SLIT1: variants seen among roughly 807,000 people sequenced by gnomAD.
The protein encoded by SLIT1 is slit guidance ligand 1, also known as slit homolog 1 protein.
SLIT1 carries 66 observed loss-of-function variants against 186.1 expected under a neutral mutation model. That is an observed-to-expected ratio of 0.35 (90% confidence interval 0.29 to 0.44). The LOEUF (loss-of-function observed/expected upper bound fraction) is 0.44, where lower values mean the gene tolerates loss of function less well. Among genes scored for constraint, SLIT1 ranks in the 20% least tolerant of loss-of-function variants. The probability of loss-of-function intolerance (pLI) is 1.00; values close to 1 mark genes in which losing one functional copy is unlikely to be tolerated. For missense variants in SLIT1, 1,638 were observed against 2,037.4 expected, an observed-to-expected ratio of 0.80 and a Z score of 3.77; for synonymous variants, 761 against 833.8, an observed-to-expected ratio of 0.91 and a Z score of 1.50.
At chr10:97,098,933 G>A (rs1004915689) in intron 4 of SLIT1, among the ~76,000 whole-genome samples, 1 of 152,168 alleles carries the variant, frequency 6.6e-6, no homozygotes, top group Admixed American at 6.5e-5. Context: ...GCCCTGGACA[G>A]GACACTCAGC....
chr10:97,096,652 C>T (rs1418603381), intron 4 of SLIT1, among the ~76,000 whole-genome samples: 1 of 152,142 alleles, frequency 6.6e-6, no homozygotes, highest in Non-Finnish European at 1.5e-5. Flanking sequence ...CGCCACCTGC[C>T]CACAGCACAG....
At chr10:97,168,469 C>T (rs908913127) in intron 1 of SLIT1, among the ~76,000 whole-genome samples, 3 of 152,200 alleles carry the variant, frequency 2.0e-5, no homozygotes, top group African/African-American at 7.2e-5. Flanking sequence ...ATGTGCAAAG[C>T]ATTTTGCAAG....
At chr10:97,080,348 A>T (rs970254706) in intron 4 of SLIT1, among the ~76,000 whole-genome samples, 35 of 152,332 alleles carry the variant, frequency 2.3e-4, no homozygotes, top group African/African-American at 8.2e-4. Context: ...GATGACTGTG[A>T]GAGAGAAAAG....
At chr10:97,127,928 G>A (rs1849618634) in intron 4 of SLIT1, among the ~76,000 whole-genome samples, 2 of 152,130 alleles carry the variant, frequency 1.3e-5, no homozygotes, top group Admixed American at 1.3e-4. Flanking sequence ...TCTTTGGGGA[G>A]GAGAGGTAGA....
At chr10:97,045,661 A>G (rs866242896) in intron 18 of SLIT1, among the ~76,000 whole-genome samples, 5 of 152,362 alleles carry the variant, frequency 3.3e-5, no homozygotes, top group South Asian at 2.1e-4. Flanking sequence ...AAAATGAGGC[A>G]GCCTATAGGA....
At chr10:97,087,570 G>A (rs1265995243) in intron 4 of SLIT1, among the ~76,000 whole-genome samples, 4 of 152,190 alleles carry the variant, frequency 2.6e-5, no homozygotes, top group Admixed American at 6.5e-5. Flanking sequence ...GCCCTGGGCC[G>A]TACCTACAAG....
At chr10:97,152,518 A>G (rs73324820) in intron 4 of SLIT1, among the ~76,000 whole-genome samples, 9,227 of 152,240 alleles carry the variant, frequency 0.061, 640 homozygotes, top group African/African-American at 0.18. Context: ...GCTCTCTTTA[A>G]TCGTCACATC....
intron 4 of SLIT1, among the ~76,000 whole-genome samples, chr10:97,110,326 G>A (rs1564678428): frequency 6.6e-6 from 1 of 152,128 alleles, no homozygotes; most frequent in Non-Finnish European, 1.5e-5. Context: ...CCACTCCCAG[G>A]TATTCACCGA....
At chr10:97,074,407 T>C (rs1197648881) in intron 4 of SLIT1, among the ~76,000 whole-genome samples, 1 of 152,186 alleles carries the variant, frequency 6.6e-6, no homozygotes, top group Non-Finnish European at 1.5e-5. Context: ...GCTCCCCACC[T>C]ATGCTGCGGC....
chr10:97,025,995 A>C (rs1338508510), intron 25 of SLIT1, among the ~76,000 whole-genome samples: 1 of 152,190 alleles, frequency 6.6e-6, no homozygotes, highest in Non-Finnish European at 1.5e-5. Flanking sequence ...GCCTGTCTAA[A>C]AGCATGAGAA....
intron 35 of SLIT1, 73 bp from the exon 36 acceptor site, chr10:97,002,442 T>C (rs989118933): frequency 6.7e-6 from 8 of 1,190,248 alleles, no homozygotes; most frequent in African/African-American, 4.6e-5. Flanking sequence ...CCGCCCCACC[T>C]GACACAGCCC....
At chr10:97,125,634 T>G (rs1007938929) in intron 4 of SLIT1, among the ~76,000 whole-genome samples, 1 of 147,650 alleles carries the variant, frequency 6.8e-6, no homozygotes, top group Non-Finnish European at 1.5e-5. Flanking sequence ...AGGTCAGGAG[T>G]TAGAGACCAG....
At position 97,013,853 on chromosome 10, in the gene SLIT1, AG is replaced by A. The variant is rs1848431462; in HGVS notation, c.3110-20del. 6.5e-7 allele frequency: 1 copy of A among 1,549,370 alleles called. No homozygotes were observed. The highest frequency in any genetic ancestry group is 8.7e-7 in the Non-Finnish European group (1 of 1,145,284). ...GCCTTTCCTGGGGAAAGAACGAGCA[AG>A]GGGCAGGAGAGAAGCTGCTCTCCTG... On this transcript the variant is annotated intron_variant, in intron 29 of 36. Transcript: ENST00000266058.
At chr10:97,076,898 G>A (rs1051072146) in intron 4 of SLIT1, among the ~76,000 whole-genome samples, 1 of 152,240 alleles carries the variant, frequency 6.6e-6, no homozygotes, top group Non-Finnish European at 1.5e-5. Context: ...CTGGTGCAGT[G>A]AAGGGGGAGT....
rs778360048 is a variant in SLIT1, at chr10:97,042,978, G to A, written c.2087C>T (p.Pro696Leu). The change falls in exon 20 of 37, where the codon CCG becomes CTG. Residue 696 changes from proline to leucine, a missense_variant. Around this residue, in one of 3 missense-constraint regions of SLIT1, gnomAD observed 1,245 missense variants for 1,535.3 expected, o/e 0.81. Transcript: ENST00000266058. ...LRKRKIVTGNPRCQNPDFLRQ... is the reference protein window; with the variant it reads ...LRKRKIVTGNLRCQNPDFLRQ... The stretch of plus-strand genomic sequence containing the variant: ...CAAAAAGTCAGGGTTCTGGCATCGC[G>A]GGTTCCCCGTCACGATCTTGCGCTT... The A allele has an allele frequency of 3.7e-6, 6 of 1,614,234 alleles. No individual in the cohort carries two copies. Among genetic ancestry groups the A allele is most frequent in the East Asian group, 2.2e-5 (1 of 44,878 alleles).
intron 1 of SLIT1, among the ~76,000 whole-genome samples, chr10:97,170,233 T>C (rs1564693860): frequency 6.6e-6 from 1 of 152,254 alleles, no homozygotes; most frequent in Non-Finnish European, 1.5e-5. Flanking sequence ...TGTGTGATCT[T>C]GGGCATGTAA....
At chr10:97,071,548 T>C (rs1277758003) in intron 4 of SLIT1, among the ~76,000 whole-genome samples, 1 of 152,200 alleles carries the variant, frequency 6.6e-6, no homozygotes, top group Admixed American at 6.5e-5. Flanking sequence ...AGGTGGCTTA[T>C]AGGGATTTTC....
chr10:97,090,265 G>A (rs983085565), intron 4 of SLIT1, among the ~76,000 whole-genome samples: 4 of 152,188 alleles, frequency 2.6e-5, no homozygotes, highest in African/African-American at 7.2e-5. Context: ...CCTGCAGCCC[G>A]CGTGGTTGGT....
At chr10:97,057,746 A>G (rs1221940539) in intron 11 of SLIT1, 2 of 473,758 alleles carry the variant, frequency 4.2e-6, no homozygotes, top group Admixed American at 6.8e-5. Flanking sequence ...TGGGACTTCA[A>G]GCATTTTTTT....
Sources: allele counts gnomAD v4.1 joint callset (sites outside exome capture counted in the v4.1 genomes callset), GRCh38; gene constraint gnomAD v4.1.1; regional missense constraint gnomAD v4.1.1; transcripts MANE v1.5; gene names NCBI Gene and HGNC (gene_info 2026-07-23, HGNC 2026-07-21).